VWA3B: variants seen among roughly 807,000 people sequenced by gnomAD.
The protein encoded by VWA3B is von Willebrand factor A domain-containing protein 3B.
In VWA3B, 138 loss-of-function variants were observed where a neutral mutation model predicts 158.3. The observed-to-expected ratio is 0.87, with a 90% CI of 0.76 to 1.00. VWA3B has a LOEUF of 1.00. Among genes scored for constraint, VWA3B ranks in the 50% least tolerant of loss-of-function variants. The pLI, the probability that VWA3B is intolerant of heterozygous loss-of-function variation, is 0.00. For missense variants in VWA3B, 1,555 were observed against 1,565.1 expected (o/e 0.99, Z 0.11); for synonymous variants, 596 against 587.3 (o/e 1.01, Z -0.21).
intron 15 of VWA3B, 23 bp downstream of exon 15, chr2:98,228,355 C>G (rs1188819226): frequency 6.2e-7 from 1 of 1,604,912 alleles, no homozygotes; most frequent in Non-Finnish European, 8.5e-7. Flanking sequence ...GCCCGCCTGT[C>G]TCCCTGCGCT....
At chr2:98,120,156 C>T (rs890234761) in intron 4 of VWA3B, among the ~76,000 whole-genome samples, 1 of 152,198 alleles carries the variant, frequency 6.6e-6, no homozygotes, top group Non-Finnish European at 1.5e-5. Flanking sequence ...GAAGTTGCAA[C>T]TCAAGTTGAC....
chr2:98,117,713 C>T (rs1302177483), intron 3 of VWA3B, among the ~76,000 whole-genome samples: 1 of 151,500 alleles, frequency 6.6e-6, no homozygotes, highest in African/African-American at 2.4e-5. Flanking sequence ...CTTGAAGATG[C>T]ACCCACTACT....
At chr2:98,156,191 T>A (rs563507345) in intron 7 of VWA3B, among the ~76,000 whole-genome samples, 1 of 152,350 alleles carries the variant, frequency 6.6e-6, no homozygotes, top group South Asian at 2.1e-4. Context: ...AGTGTCCGGA[T>A]ATAATCGGCA....
At chr2:98,277,507 T>G (rs1030796968) in intron 22 of VWA3B, among the ~76,000 whole-genome samples, 1 of 152,198 alleles carries the variant, frequency 6.6e-6, no homozygotes, top group Admixed American at 6.5e-5. Context: ...ACCCATAACC[T>G]TGACTGCTTT....
chr2:98,214,674 A>C (rs1205529404), intron 13 of VWA3B, among the ~76,000 whole-genome samples: 1 of 152,178 alleles, frequency 6.6e-6, no homozygotes, highest in East Asian at 1.9e-4. Flanking sequence ...TATACCTTGG[A>C]GATGGCTTCA....
In VWA3B at chr2:98,119,585, C is replaced by T. The variant is rs376707012; in HGVS notation, c.364C>T (p.Arg122Ter). The T allele has an allele frequency of 9.3e-6, 15 of 1,613,774 alleles. No individual in the cohort carries two copies. Among genetic ancestry groups the T allele is most frequent in the African/African-American group, 4.0e-5 (3 of 74,800 alleles). ...ACAAGCTGTGGAGAGCTACAAGCAG[C>T]GAATGGACTGGCTCACCAGCAAGAG... The part of the protein sequence containing the change: ...LTQAVESYKQ[R>*]MDWLTSKSRQ... The change falls in exon 4 of 28, where the codon CGA (arginine) becomes TGA (stop). Residue 122 changes from arginine (R) to a stop codon, truncating the protein, a stop_gained. Coordinates refer to ENST00000477737, the MANE Select transcript of VWA3B (RefSeq NM_144992.5). LOFTEE classifies it high-confidence loss of function.
chr2:98,188,481 C>T lies in VWA3B; in HGVS notation c.1466+352C>T, dbSNP rs141458102. 8.5e-5 allele frequency among the ~76,000 whole-genome samples: 13 copies of T among 152,158 alleles called. No individual in the cohort carries two copies. The East Asian group carries it at 2.5e-3, about 29-fold the overall frequency. ...CTAGCTAAACTTTTGTATTCGCTAA[C>T]CAACCTCCCTATCCTCTCTCCCTAC... On this transcript the variant is annotated intron_variant, in intron 10 of 27. Coordinates refer to ENST00000477737, the MANE Select transcript of VWA3B (RefSeq NM_144992.5).
At chr2:98,311,386 A>G (rs1399433945) in intron 26 of VWA3B, among the ~76,000 whole-genome samples, 1 of 152,236 alleles carries the variant, frequency 6.6e-6, no homozygotes, top group Non-Finnish European at 1.5e-5. Context: ...TGTTTCCGAT[A>G]GTATACCTTG....
Position 98,187,105 on chromosome 2 carries a change from C to T in VWA3B, c.1312-870C>T, listed in dbSNP as rs575526258. ...GCCTCGCTATGGCCACACTCTGTTC[C>T]GCCAGGCCTTCTCTCCTAGCTCACT... On this transcript the variant is annotated intron_variant, in intron 9 of 27. Coordinates refer to ENST00000477737, the MANE Select transcript of VWA3B (RefSeq NM_144992.5). Among the ~76,000 whole-genome samples the T allele has an allele frequency of 4.6e-5, 7 of 152,262 alleles. No individual in the cohort carries two copies. In the South Asian group the frequency reaches 8.3e-4, roughly 18 times the overall value.
In VWA3B at chr2:98,183,456, G is replaced by T. The variant is rs374027627; in HGVS notation, c.1311+2244G>T. ...AACACAGAAATGAATGGCTAAAAAGGCCTTATTATGTAGCAGTTCAAAGAT... is the reference window on the plus strand; with the variant it reads ...AACACAGAAATGAATGGCTAAAAAGTCCTTATTATGTAGCAGTTCAAAGAT... On this transcript the variant is annotated intron_variant, in intron 9 of 27. Coordinates refer to ENST00000477737, the MANE Select transcript of VWA3B (RefSeq NM_144992.5). Among the ~76,000 whole-genome samples, 52 of 152,242 alleles carry T rather than the reference G, an allele frequency of 3.4e-4. No homozygotes were observed. In the East Asian group the frequency reaches 5.8e-3, roughly 17 times the overall value.
intron 2 of VWA3B, among the ~76,000 whole-genome samples, chr2:98,106,138 A>G (rs1037692718): frequency 6.6e-6 from 1 of 151,972 alleles, no homozygotes; most frequent in Non-Finnish European, 1.5e-5. Context: ...TATGGTCTCG[A>G]TCTCCTGACC....
intron 2 of VWA3B, among the ~76,000 whole-genome samples, chr2:98,102,053 A>C (rs926859464): frequency 7.9e-5 from 12 of 152,176 alleles, no homozygotes; most frequent in African/African-American, 2.9e-4. Flanking sequence ...TTGGTACTTA[A>C]GATTATGGAG....
the VWA3B span, among the ~76,000 whole-genome samples, chr2:98,327,043 C>G: frequency 2.0e-4 from 31 of 151,804 alleles, 1 homozygote; most frequent in African/African-American, 7.0e-4. Flanking sequence ...GCCTGTAATC[C>G]CAGCACTTTG....
intron 7 of VWA3B, among the ~76,000 whole-genome samples, chr2:98,147,054 C>T (rs1242178615): frequency 2.0e-5 from 3 of 152,176 alleles, no homozygotes; most frequent in Non-Finnish European, 4.4e-5. Context: ...CTTAATTTCG[C>T]AAATTCCAAA....
chr2:98,250,057 G>GT (rs1686697059), intron 19 of VWA3B, among the ~76,000 whole-genome samples: 1 of 152,064 alleles, frequency 6.6e-6, no homozygotes, highest in Non-Finnish European at 1.5e-5. Flanking sequence ...GGCGGTGGTT[G>GT]TTTTTTGGTG....
At chr2:98,109,173 G>A (rs1047747437) in intron 2 of VWA3B, among the ~76,000 whole-genome samples, 5 of 151,864 alleles carry the variant, frequency 3.3e-5, no homozygotes, top group African/African-American at 1.2e-4. Flanking sequence ...TGTATTTTTA[G>A]TAAAGACAGG....
chr2:98,181,710 A>G (rs1370630413), intron 9 of VWA3B, among the ~76,000 whole-genome samples: 1 of 152,196 alleles, frequency 6.6e-6, no homozygotes, highest in Non-Finnish European at 1.5e-5. Flanking sequence ...TGAAAGCTGC[A>G]GTTCTATTGT....
At chr2:98,157,068 C>A (rs2105207144) in intron 7 of VWA3B, among the ~76,000 whole-genome samples, 1 of 152,234 alleles carries the variant, frequency 6.6e-6, no homozygotes, top group Non-Finnish European at 1.5e-5. Flanking sequence ...GAATTTTGGA[C>A]AATTAGACTG....
intron 23 of VWA3B, among the ~76,000 whole-genome samples, chr2:98,295,259 C>T (rs180750189): frequency 2.0e-4 from 30 of 152,114 alleles, no homozygotes; most frequent in African/African-American, 6.5e-4. Context: ...GAATTTAAGC[C>T]GGGCTTTGTA....
Sources: allele counts gnomAD v4.1 joint callset (sites outside exome capture counted in the v4.1 genomes callset), GRCh38; gene constraint gnomAD v4.1.1; transcripts MANE v1.5; gene names NCBI Gene and HGNC (gene_info 2026-07-23, HGNC 2026-07-21).